Variants in ARHGAP20 observed in about 807,000 individuals in gnomAD.
ARHGAP20 encodes rho GTPase-activating protein 20.
In ARHGAP20, 34 loss-of-function variants were observed where a neutral mutation model predicts 73.7. The observed-to-expected ratio is 0.46, with a 90% CI of 0.35 to 0.61. ARHGAP20 has a LOEUF of 0.61. ARHGAP20 is among the 20% of genes least tolerant of loss of function. The pLI is 0.00. For missense variants in ARHGAP20, 1,314 were observed against 1,420.9 expected (o/e 0.92, Z 1.21); for synonymous variants, 523 against 518.2 (o/e 1.01, Z -0.13).
chr11:110,582,965 A>G (rs1051775367), intron 13 of ARHGAP20, among the ~76,000 whole-genome samples: 1 of 152,186 alleles, frequency 6.6e-6, no homozygotes, highest in Admixed American at 6.5e-5. Flanking sequence ...GGGAAAGGTA[A>G]GAGTTTACTA....
chr11:110,653,872 A>T (rs778034489), intron 2 of ARHGAP20, among the ~76,000 whole-genome samples: 15 of 152,212 alleles, frequency 9.9e-5, no homozygotes, highest in Non-Finnish European at 1.9e-4. Flanking sequence ...ACACCATGGA[A>T]TACCAGGCAG....
chr11:110,668,622 C>G (rs917167743), intron 2 of ARHGAP20, among the ~76,000 whole-genome samples: 1 of 151,854 alleles, frequency 6.6e-6, no homozygotes, highest in African/African-American at 2.4e-5. Context: ...GCACTCCAGC[C>G]TGGGCAACAG....
chr11:110,667,009 A>G (rs1949737728), intron 2 of ARHGAP20, among the ~76,000 whole-genome samples: 1 of 152,232 alleles, frequency 6.6e-6, no homozygotes, highest in Non-Finnish European at 1.5e-5. Context: ...AAGCTAGCAG[A>G]GGTTGGTTCA....
chr11:110,667,198 G>A (rs1949740711), intron 2 of ARHGAP20, among the ~76,000 whole-genome samples: 1 of 152,230 alleles, frequency 6.6e-6, no homozygotes, highest in African/African-American at 2.4e-5. Flanking sequence ...GGAAGAGAAT[G>A]CCATTTAGGA....
chr11:110,700,236 A>G (rs1047520182), intron 1 of ARHGAP20, among the ~76,000 whole-genome samples: 2 of 150,852 alleles, frequency 1.3e-5, no homozygotes, highest in Non-Finnish European at 2.9e-5. Context: ...CTTTATGAGG[A>G]AAAAAAATCA....
intron 3 of ARHGAP20, among the ~76,000 whole-genome samples, chr11:110,625,032 A>ATT (rs766777290): frequency 1.2e-4 from 13 of 108,086 alleles, no homozygotes; most frequent in Middle Eastern, 5.0e-3. Flanking sequence ...TTTTATTTTT[A>ATT]TTTTTTTTTT....
At chr11:110,687,055 TAGACACACACACACACACAC>T (rs1950149500) in intron 2 of ARHGAP20, among the ~76,000 whole-genome samples, 8 of 113,516 alleles carry the variant, frequency 7.0e-5, no homozygotes, top group East Asian at 2.7e-4. Context: ...TATATATATA[TAGACACACACACACACACAC>T]ACATATATAT....
chr11:110,580,554 G>GCTTAGA lies in ARHGAP20; in HGVS notation c.2386_2391dup (p.Ser796_Lys797dup), dbSNP rs1565417656. ...TAAGATGCCACAGAAATGGCCACTG[G>GCTTAGA]CTTAGACTTAGGGAAAAGTTTCACG... On this transcript the variant is annotated inframe_insertion, in exon 15 of 15. Coordinates refer to ENST00000683387, the MANE Select transcript of ARHGAP20 (RefSeq NM_001384657.1). 6.2e-7 allele frequency: 1 copy of GCTTAGA among 1,614,230 alleles called. No individual in the cohort carries two copies. The highest frequency in any genetic ancestry group is 8.5e-7 in the Non-Finnish European group (1 of 1,180,046).
intron 1 of ARHGAP20, chr11:110,711,604 T>A: frequency 6.7e-7 from 1 of 1,485,790 alleles, no homozygotes; most frequent in Non-Finnish European, 8.9e-7. Context: ...CAGCCGCGCC[T>A]CGGCGGGCAG....
At chr11:110,644,997 TTCTC>T (rs71476091) in intron 2 of ARHGAP20, among the ~76,000 whole-genome samples, 9 of 150,412 alleles carry the variant, frequency 6.0e-5, no homozygotes, top group African/African-American at 2.0e-4. Context: ...GAACAGACAC[TTCTC>T]TCTCTCTCTC....
At chr11:110,649,324 G>T (rs998706100) in intron 2 of ARHGAP20, among the ~76,000 whole-genome samples, 3 of 147,416 alleles carry the variant, frequency 2.0e-5, no homozygotes, top group African/African-American at 5.0e-5. Context: ...ACAGATGTAA[G>T]CCACCACACC....
chr11:110,664,927 G>T (rs1009839687), intron 2 of ARHGAP20, among the ~76,000 whole-genome samples: 9 of 152,058 alleles, frequency 5.9e-5, no homozygotes, highest in African/African-American at 2.2e-4. Flanking sequence ...ATATTGTTAA[G>T]ATATCAATTC....
At chr11:110,687,187 C>T (rs1312995860) in intron 2 of ARHGAP20, among the ~76,000 whole-genome samples, 2 of 148,560 alleles carry the variant, frequency 1.3e-5, no homozygotes, top group Non-Finnish European at 3.0e-5. Flanking sequence ...AAGTGATCCT[C>T]CCACCTCAGC....
At chr11:110,683,252 T>G (rs1950070189) in intron 2 of ARHGAP20, among the ~76,000 whole-genome samples, 1 of 152,130 alleles carries the variant, frequency 6.6e-6, no homozygotes, top group Non-Finnish European at 1.5e-5. Flanking sequence ...ACCATAACAA[T>G]GCCAATATAT....
At chr11:110,642,133 C>T (rs767382936) in intron 2 of ARHGAP20, among the ~76,000 whole-genome samples, 37 of 152,044 alleles carry the variant, frequency 2.4e-4, no homozygotes, top group Admixed American at 1.3e-4. Flanking sequence ...AGTTAAAAAA[C>T]TAACTGATTT....
rs878889784 is a variant in ARHGAP20, at chr11:110,690,906, C to G, written c.106-277G>C. ...TTTACCAGAATATTTGGGAGAAACA[C>G]CATCATAACCATTATTACTGGTTAT... is the stretch of plus-strand genomic sequence containing the variant. On this transcript the variant is annotated intron_variant, in intron 1 of 14. Coordinates refer to ENST00000683387, the MANE Select transcript of ARHGAP20 (RefSeq NM_001384657.1). 6 of 1,213,300 alleles carry G rather than the reference C, an allele frequency of 4.9e-6. No homozygotes were observed. The South Asian group carries it at 5.8e-5, about 12-fold the overall frequency. The allele number at this position is 1,213,300 out of a possible 1,614,324, so 75.2% of individuals were successfully genotyped here.
At chr11:110,625,026 A>AT (rs1565445279) in intron 3 of ARHGAP20, among the ~76,000 whole-genome samples, 2 of 112,454 alleles carry the variant, frequency 1.8e-5, no homozygotes, top group East Asian at 7.1e-4. Flanking sequence ...TTTTATTTTT[A>AT]TTTTTATTTT....
At position 110,581,097 on chromosome 11, in the gene ARHGAP20, C is replaced by T. The variant is rs1050427297; in HGVS notation, c.1849G>A (p.Val617Ile). Residue 617 changes from valine (V) to isoleucine (I), a missense_variant, in exon 15 of 15, where the codon GTC (valine) becomes ATC (isoleucine). Val to Ile is a conservative substitution (Grantham distance 29). Coordinates refer to ENST00000683387, the MANE Select transcript of ARHGAP20 (RefSeq NM_001384657.1). ...AGATCATAGTCACTGAGGGTTAAGA[C>T]AGAGTCCATGCTTCTGCTCCCCTGG... ...LGQGSRSMDS[V>I]LTLSDYDLDQ... The T allele has an allele frequency of 1.9e-6, 3 of 1,614,098 alleles. No individual in the cohort carries two copies. The highest frequency in any genetic ancestry group is 1.3e-5 in the African/African-American group (1 of 74,942).
intron 1 of ARHGAP20, among the ~76,000 whole-genome samples, chr11:110,702,329 T>C (rs1051732148): frequency 1.3e-5 from 2 of 152,070 alleles, no homozygotes; most frequent in Non-Finnish European, 2.9e-5. Flanking sequence ...TTGACAAAAT[T>C]CAACAACCCT....
Sources: allele counts gnomAD v4.1 joint callset (sites outside exome capture counted in the v4.1 genomes callset), GRCh38; gene constraint gnomAD v4.1.1; transcripts MANE v1.5; gene names NCBI Gene and HGNC (gene_info 2026-07-23, HGNC 2026-07-21).